DNAJA1: variants seen among roughly 807,000 people sequenced by gnomAD.
The protein encoded by DNAJA1 is DnaJ heat shock protein family (Hsp40) member A1, also known as dnaJ homolog subfamily A member 1.
DNAJA1 carries 26 observed loss-of-function variants against 47.6 expected under a neutral mutation model. That is an observed-to-expected ratio of 0.55 (90% CI 0.40 to 0.76). DNAJA1 has a LOEUF of 0.76. DNAJA1 is among the 30% of genes least tolerant of loss of function. The pLI is 0.00. For synonymous variants in DNAJA1, 165 were observed against 158.4 expected (o/e 1.04, Z -0.31); for missense variants, 315 against 485.0 (o/e 0.65, Z 3.29).
chr9:33,028,262 T>C (rs568389951), intron 3 of DNAJA1, among the ~76,000 whole-genome samples: 12 of 152,302 alleles, frequency 7.9e-5, no homozygotes, highest in African/African-American at 2.2e-4. Flanking sequence ...ATCTATCTAT[T>C]CTTGTTTCAG....
rs1361984658 is a variant in DNAJA1, at chr9:33,039,819, T to TGTTC, written c.*917_*920dup. 1 of 152,134 alleles carries TGTTC rather than the reference T, an allele frequency of 6.6e-6. No individual in the cohort carries two copies. The highest frequency in any genetic ancestry group is 2.4e-5 in the African/African-American group (1 of 41,448). 9.4% of individuals were successfully genotyped at this position (152,134 alleles called of 1,614,324 possible). A position where few individuals can be genotyped will look rare whatever the true frequency, so the allele number is the denominator to read the frequency against. On this transcript the variant is annotated 3_prime_UTR_variant, in exon 9 of 9. Coordinates refer to ENST00000330899, the MANE Select transcript of DNAJA1 (RefSeq NM_001539.4). ...TAATTGTATGTTTAAAAGTCTCATA[T>TGTTC]GTTCACATGCTTAAATCTGGGTATC...
Position 33,039,013 on chromosome 9 carries a change from C to T in DNAJA1, c.*110C>T. The T allele has an allele frequency of 9.3e-7, 1 of 1,079,184 alleles. No homozygotes were observed. Among genetic ancestry groups the T allele is most frequent in the Non-Finnish European group, 1.3e-6 (1 of 751,852 alleles). 66.9% of individuals were successfully genotyped at this position (1,079,184 alleles called of 1,614,324 possible). On this transcript the variant is annotated 3_prime_UTR_variant, in exon 9 of 9. Transcript: ENST00000330899. ...TTGCTCTTGTTTTTGTTTTAATAAA[C>T]TATAGTAGTGTTTTAAAAAGTTAAA...
intron 6 of DNAJA1, among the ~76,000 whole-genome samples, chr9:33,035,910 AT>A (rs1564014587): frequency 6.6e-6 from 1 of 152,240 alleles, no homozygotes; most frequent in Non-Finnish European, 1.5e-5. Context: ...CAATGAGGAA[AT>A]TGTTAGAGTC....
At chr9:33,030,097 C>T in intron 4 of DNAJA1, 108 bp downstream of exon 4, 1 of 1,066,598 alleles carries the variant, frequency 9.4e-7, no homozygotes, top group South Asian at 1.6e-5. Flanking sequence ...GATTCATGTA[C>T]ACTACCTAGA....
chr9:33,030,071 A>G, intron 4 of DNAJA1, 82 bp downstream of exon 4: 1 of 1,306,536 alleles, frequency 7.7e-7, no homozygotes, highest in Non-Finnish European at 1.1e-6. Flanking sequence ...AGACTTCTAG[A>G]TAGATATGTA....
rs1206634287 is a variant in DNAJA1, at chr9:33,029,883, A to C, written c.311-2A>C. ...TTTGCAATGAGAAATATTTTGTTTT[A>C]GGTAAAAATGTTGTACATCAGCTCT... On this transcript the variant is annotated splice_acceptor_variant, in intron 3 of 8. Coordinates refer to ENST00000330899, the MANE Select transcript of DNAJA1 (RefSeq NM_001539.4). LOFTEE classifies it high-confidence loss of function. 6.2e-7 allele frequency: 1 copy of C among 1,600,490 alleles called. No individual in the cohort carries two copies. The highest frequency in any genetic ancestry group is 8.5e-7 in the Non-Finnish European group (1 of 1,175,578).
chr9:33,025,744 G>T (rs1233345677), intron 1 of DNAJA1, among the ~76,000 whole-genome samples: 3 of 152,186 alleles, frequency 2.0e-5, no homozygotes, highest in African/African-American at 7.2e-5. Flanking sequence ...CGCACAGGGA[G>T]GCAGGGGCGA....
intron 5 of DNAJA1, among the ~76,000 whole-genome samples, chr9:33,032,118 A>G (rs1175696090): frequency 6.6e-6 from 1 of 152,240 alleles, no homozygotes; most frequent in Non-Finnish European, 1.5e-5. Flanking sequence ...TATGATACCA[A>G]TCTGGAACTG....
chr9:33,025,929 ACT>A (rs1299489136), intron 1 of DNAJA1, among the ~76,000 whole-genome samples: 2 of 152,024 alleles, frequency 1.3e-5, no homozygotes, highest in Non-Finnish European at 2.9e-5. Flanking sequence ...TGGCAGGTAA[ACT>A]CTGCCAGCCT....
At chr9:33,034,396 T>C in intron 6 of DNAJA1, 66 bp downstream of exon 6, 4 of 1,244,300 alleles carry the variant, frequency 3.2e-6, no homozygotes, top group Middle Eastern at 1.9e-4. Context: ...TGTTTTTTGT[T>C]TTTTTGTTTT....
rs1460231220 is a variant in DNAJA1, at chr9:33,039,453, T to A, written c.*550T>A. On this transcript the variant is annotated 3_prime_UTR_variant, in exon 9 of 9. Coordinates refer to ENST00000330899, the MANE Select transcript of DNAJA1 (RefSeq NM_001539.4). ...TGGTATCAGTGATAAAAATGATACC[T>A]TTCTGTAGGAGGGGTTTATCATAAT... The A allele has an allele frequency of 2.0e-5, 3 of 151,456 alleles. No homozygotes were observed. The East Asian group carries it at 5.8e-4, about 29-fold the overall frequency. 9.4% of individuals were successfully genotyped at this position (151,456 alleles called of 1,614,324 possible).
rs1189366671 is a variant in DNAJA1 at position 33,034,216 on chromosome 9, G to T, written c.644G>T (p.Gly215Val). 4 of 1,575,588 alleles carry T rather than the reference G, an allele frequency of 2.5e-6. No individual in the cohort carries two copies. Among genetic ancestry groups the T allele is most frequent in the African/African-American group, 2.8e-5 (2 of 72,496 alleles). The change falls in exon 6 of 9, where the codon GGC becomes GTC. Residue 215 changes from glycine (G) to valine (V), a missense_variant and splice_region_variant. This residue lies in a region of DNAJA1 where 45 missense variants were observed against 93.3 expected (regional missense o/e 0.48). Transcript: ENST00000330899. ...TACAAAATTAATGTTTTGTTTTTAG[G>T]CATGAAAGATGGCCAGAAGATAACA... ...KKILEVHIDK[G>V]MKDGQKITFH...
intron 5 of DNAJA1, among the ~76,000 whole-genome samples, chr9:33,033,186 G>GT (rs1274946983): frequency 6.6e-6 from 1 of 150,914 alleles, no homozygotes; most frequent in Non-Finnish European, 1.5e-5. Context: ...AAAAAGGCGT[G>GT]TTTTTTTGCC....
intron 8 of DNAJA1, 192 bp downstream of exon 8, chr9:33,037,307 T>G (rs918561442): frequency 2.6e-4 from 96 of 366,200 alleles, no homozygotes; most frequent in Non-Finnish European, 3.8e-4. Flanking sequence ...ACCCTGTCTC[T>G]TTAAAAAAAC....
chr9:33,033,156 G>A (rs11790788), intron 5 of DNAJA1, among the ~76,000 whole-genome samples: 7 of 147,442 alleles, frequency 4.7e-5, no homozygotes, highest in Admixed American at 2.7e-4. Flanking sequence ...GGGGCACGAA[G>A]TCTCAGTTTA....
rs79236341 is a variant in DNAJA1, at chr9:33,036,884, G to A, written c.875-131G>A. 1,369 of 872,900 alleles carry A rather than the reference G, an allele frequency of 1.6e-3. 18 individuals are homozygous for A. In the African/African-American group the frequency reaches 0.021, roughly 13 times the overall value. 54.1% of individuals were successfully genotyped at this position (872,900 alleles called of 1,614,324 possible). A position where few individuals can be genotyped will look rare whatever the true frequency, so the allele number is the denominator to read the frequency against. ...GCCCTTGGAAAACCCATAAGTGAAAGGTAACAGGATTGCTTTGCCACGTAA... is the reference window on the plus strand; with the variant it reads ...GCCCTTGGAAAACCCATAAGTGAAAAGTAACAGGATTGCTTTGCCACGTAA... On this transcript the variant is annotated intron_variant, in intron 7 of 8. Coordinates refer to ENST00000330899, the MANE Select transcript of DNAJA1 (RefSeq NM_001539.4).
At chr9:33,027,236 A>T in intron 3 of DNAJA1, among the ~76,000 whole-genome samples, 1 of 148,288 alleles carries the variant, frequency 6.7e-6, no homozygotes, top group Non-Finnish European at 1.5e-5. Flanking sequence ...GCTCACAGCA[A>T]CCTCCACCTC....
In DNAJA1 at chr9:33,029,971, A is replaced by G; in HGVS notation, c.397A>G (p.Ile133Val). 1.2e-6 allele frequency: 2 copies of G among 1,613,368 alleles called. No homozygotes were observed. The highest frequency in any genetic ancestry group is 1.7e-6 in the Non-Finnish European group (2 of 1,179,826). ...AAAACTGGCTCTGCAAAAGAATGTG[A>G]TTTGTGACAAATGTGAAGGTACGGT... ...TRKLALQKNV[I>V]CDKCEGRGGK... Residue 133 changes from isoleucine (I) to valine (V), a missense_variant, in exon 4 of 9, where the codon ATT (isoleucine) becomes GTT (valine). Ile to Val is a conservative substitution (Grantham distance 29). Transcript: ENST00000330899.
intron 3 of DNAJA1, among the ~76,000 whole-genome samples, chr9:33,029,412 C>T (rs1260990716): frequency 1.3e-5 from 2 of 152,216 alleles, no homozygotes; most frequent in African/African-American, 4.8e-5. Context: ...TCAATAAATA[C>T]ATCAGCTTCC....
Sources: allele counts gnomAD v4.1 joint callset (sites outside exome capture counted in the v4.1 genomes callset), GRCh38; gene constraint gnomAD v4.1.1; regional missense constraint gnomAD v4.1.1; transcripts MANE v1.5; gene names NCBI Gene and HGNC (gene_info 2026-07-23, HGNC 2026-07-21).